The following SVOP variants were observed in gnomAD, a reference collection of about 807,000 sequenced individuals.
SVOP encodes SV2 related protein, also known as synaptic vesicle 2-related protein.
A neutral mutation model predicts 69.1 loss-of-function variants in SVOP; 17 were observed. The ratio of observed to expected loss-of-function variants is 0.25; its 90% CI spans 0.17 to 0.37. The LOEUF (loss-of-function observed/expected upper bound fraction) is 0.37, where lower values mean the gene tolerates loss of function less well. Among genes scored for constraint, SVOP ranks in the 10% least tolerant of loss-of-function variants. The pLI is 1.00. For synonymous variants in SVOP, 238 were observed against 238.6 expected (o/e 1.00, Z 0.02); for missense variants, 435 against 597.5 (o/e 0.73, Z 2.84).
intron 5 of SVOP, among the ~76,000 whole-genome samples, chr12:108,970,349 C>T (rs1353011177): frequency 6.6e-6 from 1 of 152,258 alleles, no homozygotes. Context: ...TCAGTTTCCT[C>T]TTCTATCAAG....
chr12:108,950,020 G>A (rs897155850), intron 6 of SVOP, among the ~76,000 whole-genome samples: 2 of 152,132 alleles, frequency 1.3e-5, no homozygotes, highest in African/African-American at 4.8e-5. Flanking sequence ...TTCCGCTTCA[G>A]TAAGACAATA....
intron 8 of SVOP, among the ~76,000 whole-genome samples, 200 bp downstream of exon 8, chr12:108,940,584 C>G (rs2039884651): frequency 6.6e-6 from 1 of 152,118 alleles, no homozygotes; most frequent in Non-Finnish European, 1.5e-5. Context: ...GAAAACATCC[C>G]AGAAGTGTCT....
At chr12:108,990,608 T>C (rs1455596671) in intron 1 of SVOP, among the ~76,000 whole-genome samples, 1 of 151,536 alleles carries the variant, frequency 6.6e-6, no homozygotes, top group African/African-American at 2.4e-5. Flanking sequence ...TGTATACATA[T>C]GTAACAAACC....
At chr12:108,980,841 C>T (rs2040131889) in intron 2 of SVOP, among the ~76,000 whole-genome samples, 1 of 151,996 alleles carries the variant, frequency 6.6e-6, no homozygotes, top group African/African-American at 2.4e-5. Flanking sequence ...AGGAGAATCG[C>T]TTGAACCCAG....
At chr12:109,011,298 T>C (rs1357623196) in intron 1 of SVOP, among the ~76,000 whole-genome samples, 4 of 152,218 alleles carry the variant, frequency 2.6e-5, no homozygotes, top group Non-Finnish European at 5.9e-5. Context: ...TGGCATAAAA[T>C]GTAAACATTT....
At chr12:108,952,807 T>C (rs934842580) in intron 6 of SVOP, among the ~76,000 whole-genome samples, 1 of 152,000 alleles carries the variant, frequency 6.6e-6, no homozygotes, top group Non-Finnish European at 1.5e-5. Context: ...TGCAGGGAGG[T>C]ATGATCGTGT....
intron 6 of SVOP, among the ~76,000 whole-genome samples, chr12:108,949,697 CCTT>C (rs1286813121): frequency 6.6e-6 from 1 of 151,870 alleles, no homozygotes; most frequent in African/African-American, 2.4e-5. Context: ...TTACTTCTTT[CCTT>C]CTTTTTTTTT....
intron 7 of SVOP, among the ~76,000 whole-genome samples, chr12:108,942,185 T>C (rs761085522): frequency 1.3e-5 from 2 of 152,206 alleles, no homozygotes; most frequent in African/African-American, 2.4e-5. Flanking sequence ...GTCCTTCCTT[T>C]TTAAGGCTGA....
At chr12:108,929,497 T>C (rs558078368) in intron 11 of SVOP, among the ~76,000 whole-genome samples, 22 of 151,778 alleles carry the variant, frequency 1.4e-4, no homozygotes, top group Non-Finnish European at 2.2e-4. Flanking sequence ...TTTGTAGAAA[T>C]GGGGTCTCAC....
chr12:108,993,036 G>A (rs925844793), intron 1 of SVOP, among the ~76,000 whole-genome samples: 8 of 152,008 alleles, frequency 5.3e-5, no homozygotes, highest in African/African-American at 1.2e-4. Flanking sequence ...GCGAGACCCC[G>A]TCTTTTATTT....
chr12:108,923,091 G>A (rs1419292370), intron 11 of SVOP, among the ~76,000 whole-genome samples: 1 of 152,232 alleles, frequency 6.6e-6, no homozygotes, highest in East Asian at 1.9e-4. Context: ...TTGGCACGTA[G>A]TAGGCACTTT....
intron 2 of SVOP, among the ~76,000 whole-genome samples, chr12:108,981,548 T>TG (rs1339037758): frequency 0.45 from 69,126 of 152,026 alleles, 19,590 homozygotes; most frequent in South Asian, 0.66. Flanking sequence ...AACAAGGTCG[T>TG]GGGTAAGAAT....
At chr12:108,957,737 G>A (rs1167428282) in intron 6 of SVOP, among the ~76,000 whole-genome samples, 3 of 152,330 alleles carry the variant, frequency 2.0e-5, no homozygotes, top group East Asian at 1.9e-4. Flanking sequence ...CCAGGGACTC[G>A]AATCCCTTAG....
intron 12 of SVOP, 143 bp from the exon 13 acceptor site, chr12:108,919,929 A>C: frequency 1.7e-6 from 1 of 583,696 alleles, no homozygotes. Flanking sequence ...AAGACAGCAA[A>C]AGTGATAAGG....
At chr12:108,934,030 A>C (rs2039840500) in intron 11 of SVOP, among the ~76,000 whole-genome samples, 165 bp downstream of exon 11, 1 of 152,216 alleles carries the variant, frequency 6.6e-6, no homozygotes, top group Admixed American at 6.5e-5. Flanking sequence ...GATTAGCTCC[A>C]TCGCGACAAG....
At chr12:108,938,348 C>T (rs2039868309) in intron 9 of SVOP, among the ~76,000 whole-genome samples, 2 of 152,232 alleles carry the variant, frequency 1.3e-5, no homozygotes, top group East Asian at 1.9e-4. Context: ...TAAGTTTCAC[C>T]GTGGTGGACT....
chr12:108,986,643 C>A (rs1280595515), intron 1 of SVOP, among the ~76,000 whole-genome samples: 1 of 152,098 alleles, frequency 6.6e-6, no homozygotes, highest in Non-Finnish European at 1.5e-5. Flanking sequence ...AGACATTTCT[C>A]CAAAGAAGAC....
intron 11 of SVOP, among the ~76,000 whole-genome samples, chr12:108,928,707 C>T (rs2039797329): frequency 6.6e-6 from 1 of 152,006 alleles, no homozygotes; most frequent in African/African-American, 2.4e-5. Context: ...GCTGGGAACA[C>T]AGATGCACGC....
chr12:108,963,373 T>C (rs1255805304), intron 5 of SVOP, among the ~76,000 whole-genome samples: 1 of 152,248 alleles, frequency 6.6e-6, no homozygotes, highest in African/African-American at 2.4e-5. Flanking sequence ...TTTTAAATAA[T>C]TTTGCATCAC....
Sources: allele counts gnomAD v4.1 joint callset (sites outside exome capture counted in the v4.1 genomes callset), GRCh38; gene constraint gnomAD v4.1.1; transcripts MANE v1.5; gene names NCBI Gene and HGNC (gene_info 2026-07-23, HGNC 2026-07-21).